Variants in HS3ST4 observed in about 807,000 individuals in gnomAD.
The protein encoded by HS3ST4 is heparan sulfate-glucosamine 3-sulfotransferase 4.
A neutral mutation model predicts 29.2 loss-of-function variants in HS3ST4; 17 were observed. That is an observed-to-expected ratio of 0.58 (90% confidence interval 0.40 to 0.87). The LOEUF is 0.87. Ranked by LOEUF, HS3ST4 falls within the 40% of genes least tolerant of loss-of-function variation. HS3ST4 has a pLI of 0.00. For missense variants in HS3ST4, 627 were observed against 634.5 expected (o/e 0.99, Z 0.13); for synonymous variants, 314 against 285.7 (o/e 1.10, Z -1.00).
chr16:25,799,822 A>C (rs144364536), intron 1 of HS3ST4, among the ~76,000 whole-genome samples: 1 of 152,244 alleles, frequency 6.6e-6, no homozygotes, highest in African/African-American at 2.4e-5. Flanking sequence ...CTGTCTATCT[A>C]TCTATGTATC....
intron 1 of HS3ST4, among the ~76,000 whole-genome samples, chr16:25,799,122 T>C (rs955170696): frequency 4.6e-5 from 7 of 152,142 alleles, no homozygotes; most frequent in African/African-American, 1.4e-4. Context: ...AGACTGGAAG[T>C]TTGAGCTAAA....
At chr16:25,966,985 A>G (rs564351270) in intron 1 of HS3ST4, among the ~76,000 whole-genome samples, 47 of 152,254 alleles carry the variant, frequency 3.1e-4, no homozygotes, top group African/African-American at 1.1e-3. Flanking sequence ...ATCACCTGGA[A>G]CCTGTTAGAA....
intron 1 of HS3ST4, among the ~76,000 whole-genome samples, chr16:25,916,362 G>A (rs1052213234): frequency 2.0e-5 from 3 of 151,880 alleles, no homozygotes; most frequent in Admixed American, 6.6e-5. Flanking sequence ...GTTTATATTC[G>A]AATGCATTTT....
chr16:25,771,556 G>C (rs891811964), intron 1 of HS3ST4, among the ~76,000 whole-genome samples: 1 of 151,952 alleles, frequency 6.6e-6, no homozygotes, highest in Non-Finnish European at 1.5e-5. Context: ...TGTTACTATG[G>C]GAAGCCTTCC....
At chr16:25,990,513 T>C (rs572046379) in intron 1 of HS3ST4, among the ~76,000 whole-genome samples, 2 of 152,372 alleles carry the variant, frequency 1.3e-5, no homozygotes, top group Non-Finnish European at 2.9e-5. Context: ...TTATAATGCA[T>C]ATCCAAAGAG....
At chr16:25,798,528 A>G (rs1042240777) in intron 1 of HS3ST4, among the ~76,000 whole-genome samples, 1 of 152,116 alleles carries the variant, frequency 6.6e-6, no homozygotes, top group Non-Finnish European at 1.5e-5. Flanking sequence ...AGAAATGTGT[A>G]CTTGCAAGTT....
At chr16:26,049,269 G>T (rs1898306430) in intron 1 of HS3ST4, among the ~76,000 whole-genome samples, 1 of 151,994 alleles carries the variant, frequency 6.6e-6, no homozygotes. Context: ...AGGCTGGGAA[G>T]TGCTGCCGTG....
At chr16:25,831,486 G>A (rs565463857) in intron 1 of HS3ST4, among the ~76,000 whole-genome samples, 1 of 151,738 alleles carries the variant, frequency 6.6e-6, no homozygotes, top group Non-Finnish European at 1.5e-5. Context: ...AGCTACTCGG[G>A]AGACTGAGGT....
At chr16:25,760,815 A>G (rs1966784597) in intron 1 of HS3ST4, among the ~76,000 whole-genome samples, 1 of 152,104 alleles carries the variant, frequency 6.6e-6, no homozygotes, top group Admixed American at 6.5e-5. Flanking sequence ...TTCAACATAC[A>G]ATGTTTATTT....
intron 1 of HS3ST4, among the ~76,000 whole-genome samples, chr16:25,865,581 G>A (rs1009368711): frequency 9.9e-5 from 15 of 152,182 alleles, no homozygotes; most frequent in Admixed American, 4.6e-4. Context: ...ATACCACAAA[G>A]CTAGAGTAAT....
At chr16:25,984,696 A>G (rs905801567) in intron 1 of HS3ST4, among the ~76,000 whole-genome samples, 4 of 152,270 alleles carry the variant, frequency 2.6e-5, no homozygotes, top group Non-Finnish European at 5.9e-5. Context: ...TTCACTAAAC[A>G]TAATGCCCTC....
At chr16:25,795,692 C>A (rs777559355) in intron 1 of HS3ST4, among the ~76,000 whole-genome samples, 11 of 152,140 alleles carry the variant, frequency 7.2e-5, no homozygotes, top group Non-Finnish European at 1.2e-4. Context: ...TTATTGCCCT[C>A]CTGTGTGGGT....
At chr16:26,054,090 T>C (rs568527923) in intron 1 of HS3ST4, among the ~76,000 whole-genome samples, 35 of 152,174 alleles carry the variant, frequency 2.3e-4, no homozygotes, top group Admixed American at 7.2e-4. Context: ...GCAGGTCATA[T>C]GGCCGTGCCT....
rs1206100806 is a variant in HS3ST4 at position 25,692,882 on chromosome 16, G to A, written c.465G>A (p.Ala155=). The A allele has an allele frequency of 1.3e-6, 2 of 1,551,576 alleles. No individual in the cohort carries two copies. The highest frequency in any genetic ancestry group is 1.9e-5 in the Admixed American group (1 of 51,856). The change falls in exon 1 of 2, where the codon GCG becomes GCA. Residue 155 remains alanine (A), a synonymous_variant. Coordinates refer to ENST00000331351, the MANE Select transcript of HS3ST4 (RefSeq NM_006040.3). ...GCGAGATGATCACGGCTCAGAGCGC[G>A]CTGCCGGAGAGGGAAGCGCAGGAGT... ...APSEMITAQS[A]LPEREAQESS...
intron 1 of HS3ST4, among the ~76,000 whole-genome samples, chr16:25,756,411 A>G (rs1229512786): frequency 1.3e-5 from 2 of 152,206 alleles, no homozygotes; most frequent in Non-Finnish European, 2.9e-5. Flanking sequence ...GAACTGTTAA[A>G]TAGAAAGGCT....
chr16:25,693,213 C>A, intron 1 of HS3ST4, 62 bp downstream of exon 1: 1 of 1,457,306 alleles, frequency 6.9e-7, no homozygotes, highest in Non-Finnish European at 9.1e-7. Flanking sequence ...GGGGAAGCCG[C>A]GGCTTTCCAC....
intron 1 of HS3ST4, among the ~76,000 whole-genome samples, chr16:25,981,003 C>T (rs921800215): frequency 6.6e-6 from 1 of 152,100 alleles, no homozygotes; most frequent in African/African-American, 2.4e-5. Context: ...TATCTGGTAT[C>T]TGGCTCTAGG....
chr16:25,820,609 A>AT (rs1224400873), intron 1 of HS3ST4, among the ~76,000 whole-genome samples: 1 of 150,774 alleles, frequency 6.6e-6, no homozygotes, highest in African/African-American at 2.4e-5. Flanking sequence ...TTTTATTTTT[A>AT]TTTTTTTGTA....
chr16:26,010,874 C>G (rs1969303864), intron 1 of HS3ST4, among the ~76,000 whole-genome samples: 1 of 152,130 alleles, frequency 6.6e-6, no homozygotes, highest in Non-Finnish European at 1.5e-5. Context: ...CTGAGATTTA[C>G]TATATTATAT....
Sources: gnomAD v4.1 joint callset for allele counts (sites outside exome capture counted in the v4.1 genomes callset) on GRCh38, gnomAD v4.1.1 for gene constraint, MANE v1.5 for transcripts, NCBI Gene and HGNC (gene_info 2026-07-23, HGNC 2026-07-21) for gene names.